The following RANGAP1 variants were observed in gnomAD, a reference collection of about 807,000 sequenced individuals.
RANGAP1 encodes the protein ran GTPase-activating protein 1.
Under a neutral mutation model 63.5 loss-of-function variants are expected in RANGAP1, and 38 were observed. That is an observed-to-expected ratio of 0.60 (90% CI 0.46 to 0.78). The LOEUF (loss-of-function observed/expected upper bound fraction) is 0.78, where lower values mean the gene tolerates loss of function less well. Among genes scored for constraint, RANGAP1 ranks in the 30% least tolerant of loss-of-function variants. The probability of loss-of-function intolerance (pLI) is 0.00; values close to 1 mark genes in which losing one functional copy is unlikely to be tolerated. For missense variants in RANGAP1, 630 were observed against 740.3 expected (o/e 0.85, Z 1.73); for synonymous variants, 329 against 310.5 (o/e 1.06, Z -0.63).
At chr22:41,262,017 A>G (rs1345011254) in intron 5 of RANGAP1, among the ~76,000 whole-genome samples, 1 of 152,186 alleles carries the variant, frequency 6.6e-6, no homozygotes, top group Non-Finnish European at 1.5e-5. Context: ...TATGGTCAAT[A>G]AACAAGTGGT....
chr22:41,262,812 C>T (rs922573181), intron 5 of RANGAP1, among the ~76,000 whole-genome samples: 1 of 152,258 alleles, frequency 6.6e-6, no homozygotes, highest in African/African-American at 2.4e-5. Flanking sequence ...TTAGCTCCTG[C>T]AGGAGTCCAA....
chr22:41,293,930 C>CG, the RANGAP1 span, among the ~76,000 whole-genome samples: 1 of 151,840 alleles, frequency 6.6e-6, no homozygotes, highest in Non-Finnish European at 1.5e-5. Context: ...CCCAAAGTGC[C>CG]GGGATTATAG....
In RANGAP1 at chr22:41,258,049, T is replaced by G. The variant is rs140651031; in HGVS notation, c.673A>C (p.Ile225Leu). ...GCGAAAGCCTGGGCCAGGGCAGTGA[T>G]GCCAGGGTGGTTGATCCCATTCTGT... ...MPQNGINHPG[I>L]TALAQAFAVN... The change falls in exon 7 of 16, where the codon ATC (isoleucine) becomes CTC (leucine). Residue 225 changes from isoleucine (I) to leucine (L), a missense_variant. This residue lies in a region of RANGAP1 where 428 missense variants were observed against 465.5 expected (regional missense o/e 0.92). Coordinates refer to ENST00000356244, the MANE Select transcript of RANGAP1 (RefSeq NM_002883.4). 4.3e-6 allele frequency: 7 copies of G among 1,613,504 alleles called. No individual in the cohort carries two copies. Among genetic ancestry groups the G allele is most frequent in the Non-Finnish European group, 5.1e-6 (6 of 1,179,690 alleles).
At chr22:41,271,039 T>G (rs1234818916) in intron 3 of RANGAP1, among the ~76,000 whole-genome samples, 2 of 152,066 alleles carry the variant, frequency 1.3e-5, no homozygotes, top group African/African-American at 2.4e-5. Context: ...TGGTATCCTA[T>G]CTCTGAAATG....
At chr22:41,258,206 C>T (rs75163459) in intron 6 of RANGAP1, 100 bp from the exon 7 acceptor site, 21 of 1,356,572 alleles carry the variant, frequency 1.5e-5, no homozygotes, top group South Asian at 3.0e-5. Flanking sequence ...AATGGGCTGC[C>T]GCCAGCACAG....
rs372923616 is a variant in RANGAP1, at chr22:41,256,671, C to G, written c.888+40G>C. 62 of 1,581,760 alleles carry G rather than the reference C, an allele frequency of 3.9e-5. No individual in the cohort carries two copies. The African/African-American group carries it at 8.1e-4, about 21-fold the overall frequency. On this transcript the variant is annotated intron_variant, in intron 8 of 15. Coordinates refer to ENST00000356244, the MANE Select transcript of RANGAP1 (RefSeq NM_002883.4). Reference sequence around the variant, plus strand: ...GTGCCCCCAGCCGCCCCACCACCCACAGACCCCAGAGGGAGGACGTCAGGC... The same window carrying G: ...GTGCCCCCAGCCGCCCCACCACCCAGAGACCCCAGAGGGAGGACGTCAGGC...
chr22:41,249,476 G>A lies in RANGAP1; in HGVS notation c.1573-25C>T, dbSNP rs769240318. 2.7e-5 allele frequency: 43 copies of A among 1,593,560 alleles called. No homozygotes were observed. The African/African-American group carries it at 5.9e-4, about 22-fold the overall frequency. Reference sequence around the variant, plus strand: ...TCTGAGAGGAACACAGCGAAAAGCGGGGTGAGCTTCAAAGTCACCTGGGGG... The same window carrying A: ...TCTGAGAGGAACACAGCGAAAAGCGAGGTGAGCTTCAAAGTCACCTGGGGG... On this transcript the variant is annotated intron_variant, in intron 14 of 15. Transcript: ENST00000356244.
chr22:41,273,766 C>CAAAAAAAAAAAAAAAA lies in RANGAP1; in HGVS notation c.240+818_240+833dup, dbSNP rs71200678. ...CGGGTGACAGTGTGAGACTCCATCT[C>CAAAAAAAAAAAAAAAA]AAAAAAAAAAAAAAAAAAAAAAAAA... On this transcript the variant is annotated intron_variant, in intron 3 of 15. Coordinates refer to ENST00000356244, the MANE Select transcript of RANGAP1 (RefSeq NM_002883.4). 1.4e-3 allele frequency among the ~76,000 whole-genome samples: 35 copies of CAAAAAAAAAAAAAAAA among 24,356 alleles called. 9 individuals are homozygous for CAAAAAAAAAAAAAAAA. Among genetic ancestry groups the CAAAAAAAAAAAAAAAA allele is most frequent in the Non-Finnish European group, 2.3e-3 (33 of 14,164 alleles). 16.0% of individuals were successfully genotyped at this position (24,356 alleles called of 152,430 possible).
intron 12 of RANGAP1, 32 bp downstream of exon 12, chr22:41,252,840 G>T (rs775412986): frequency 1.3e-6 from 2 of 1,537,004 alleles, no homozygotes; most frequent in East Asian, 2.6e-5. Flanking sequence ...GCCACAGCAC[G>T]TACAGCGTGG....
the RANGAP1 span, among the ~76,000 whole-genome samples, chr22:41,293,865 C>T: frequency 6.6e-6 from 1 of 151,836 alleles, no homozygotes; most frequent in Non-Finnish European, 1.5e-5. Context: ...CACTATGTTG[C>T]CCAGGCTAGT....
intron 4 of RANGAP1, among the ~76,000 whole-genome samples, 173 bp downstream of exon 4, chr22:41,267,924 C>T (rs6002304): frequency 9.8e-5 from 15 of 152,314 alleles, no homozygotes; most frequent in African/African-American, 3.6e-4. Flanking sequence ...CTCCCACCCT[C>T]CCCTCCTGTC....
chr22:41,264,078 G>A lies in RANGAP1; in HGVS notation c.480+586C>T, dbSNP rs532653498. Among the ~76,000 whole-genome samples the A allele has an allele frequency of 3.3e-5, 5 of 152,328 alleles. No homozygotes were observed. The South Asian group carries it at 1.0e-3, about 32-fold the overall frequency. ...AAAGTGTGTGTAGGGGTTGCAGCCT[G>A]GCACTCAGTGTCCTCCAACCCTGGG... On this transcript the variant is annotated intron_variant, in intron 5 of 15. Transcript: ENST00000356244.
the RANGAP1 span, among the ~76,000 whole-genome samples, chr22:41,294,571 G>A: frequency 6.9e-6 from 1 of 143,910 alleles, no homozygotes; most frequent in East Asian, 2.1e-4. Context: ...AGTGAGGAGC[G>A]TCTCTGCCCA....
At chr22:41,269,728 A>G (rs1346350847) in intron 3 of RANGAP1, among the ~76,000 whole-genome samples, 6 of 150,370 alleles carry the variant, frequency 4.0e-5, no homozygotes, top group Non-Finnish European at 8.9e-5. Flanking sequence ...GGCGACACAG[A>G]AAGACTCTCT....
At chr22:41,264,604 T>A in intron 5 of RANGAP1, 60 bp downstream of exon 5, 16 of 1,544,208 alleles carry the variant, frequency 1.0e-5, no homozygotes, top group Non-Finnish European at 1.4e-5. Context: ...CCAGGGCACA[T>A]ATGTCAGACG....
intron 4 of RANGAP1, among the ~76,000 whole-genome samples, chr22:41,265,924 T>C (rs576047555): frequency 2.6e-5 from 4 of 151,214 alleles, no homozygotes; most frequent in South Asian, 2.1e-4. Flanking sequence ...CCCTGGTGGC[T>C]GGGTGCGGTG....
At position 41,266,134 on chromosome 22, in the gene RANGAP1, G is replaced by A. The variant is rs193185194; in HGVS notation, c.301-1291C>T. Among the ~76,000 whole-genome samples the A allele has an allele frequency of 1.4e-3, 214 of 151,724 alleles. 3 individuals carry two copies. The East Asian group carries it at 0.037, about 26-fold the overall frequency. ...GGAGAATGGCATGAACCCGGGAGGC[G>A]GAGCTTGCAGTGAGCCGAGATCGTG... On this transcript the variant is annotated intron_variant, in intron 4 of 15. Coordinates refer to ENST00000356244, the MANE Select transcript of RANGAP1 (RefSeq NM_002883.4).
At chr22:41,254,549 T>C in intron 10 of RANGAP1, 55 bp from the exon 11 acceptor site, 1 of 1,522,212 alleles carries the variant, frequency 6.6e-7, no homozygotes, top group Middle Eastern at 1.8e-4. Context: ...CCAGGTTGGC[T>C]CTAAGGCCTG....
chr22:41,296,985 C>T, the RANGAP1 span, among the ~76,000 whole-genome samples: 1 of 152,142 alleles, frequency 6.6e-6, no homozygotes, highest in African/African-American at 2.4e-5. Context: ...CCGAGGCGGA[C>T]AGATCACTTG....
Sources: gnomAD v4.1 joint callset for allele counts (sites outside exome capture counted in the v4.1 genomes callset) on GRCh38, gnomAD v4.1.1 for gene constraint, gnomAD v4.1.1 regional missense constraint, MANE v1.5 for transcripts, NCBI Gene and HGNC (gene_info 2026-07-23, HGNC 2026-07-21) for gene names.